The following ADGRG7 variants were observed in gnomAD, a reference collection of about 807,000 sequenced individuals.
The protein encoded by ADGRG7 is adhesion G protein-coupled receptor G7.
ADGRG7 carries 82 observed loss-of-function variants against 88.6 expected under a neutral mutation model. That is an observed-to-expected ratio of 0.93 (90% confidence interval 0.77 to 1.11). ADGRG7 has a LOEUF of 1.11. ADGRG7 is among the 50% of genes most tolerant of loss of function. ADGRG7 has a pLI of 0.00. For missense variants in ADGRG7, 945 were observed against 953.4 expected, an observed-to-expected ratio of 0.99 and a Z score of 0.12; for synonymous variants, 381 against 345.2, an observed-to-expected ratio of 1.10 and a Z score of -1.15.
chr3:100,694,615 A>C (rs985597299), intron 15 of ADGRG7, 129 bp from the exon 16 acceptor site: 2 of 856,970 alleles, frequency 2.3e-6, no homozygotes, highest in Non-Finnish European at 3.5e-6. Flanking sequence ...TGGCAGCTGC[A>C]CACTGGCAAA....
chr3:100,649,615 C>A, intron 10 of ADGRG7, 80 bp from the exon 11 acceptor site: 1 of 700,990 alleles, frequency 1.4e-6, no homozygotes, highest in South Asian at 2.0e-5. Context: ...TATTTTGACC[C>A]ATGTAACTCT....
Position 100,618,310 on chromosome 3 carries a change from G to A in ADGRG7, c.115+8339G>A, listed in dbSNP as rs535594740. Among the ~76,000 whole-genome samples the A allele has an allele frequency of 2.0e-5, 3 of 152,236 alleles. No homozygotes were observed. In the East Asian group the frequency reaches 5.8e-4, roughly 29 times the overall value. ...CTTGCCCATGCCTATGTCCTGAATG[G>A]TATTGCCTAGGTTTTCTTCTAGGGT... On this transcript the variant is annotated intron_variant, in intron 1 of 15. Transcript: ENST00000273352.
chr3:100,646,426 C>A, intron 9 of ADGRG7, 143 bp from the exon 10 acceptor site: 1 of 684,588 alleles, frequency 1.5e-6, no homozygotes, highest in East Asian at 2.8e-5. Flanking sequence ...CTCCTTTTTT[C>A]CCTCTCCTTA....
At chr3:100,618,253 G>T (rs1007573629) in intron 1 of ADGRG7, among the ~76,000 whole-genome samples, 2 of 152,124 alleles carry the variant, frequency 1.3e-5, no homozygotes, top group Non-Finnish European at 2.9e-5. Context: ...GGCTTTTGCT[G>T]CCATTGCTTT....
At chr3:100,673,928 T>G (rs1381723636) in intron 15 of ADGRG7, among the ~76,000 whole-genome samples, 3 of 152,188 alleles carry the variant, frequency 2.0e-5, no homozygotes, top group Non-Finnish European at 1.5e-5. Context: ...TGTTTGCTCT[T>G]GCTTCTCTTA....
intron 15 of ADGRG7, among the ~76,000 whole-genome samples, chr3:100,683,814 T>G (rs1034825555): frequency 6.6e-6 from 1 of 152,260 alleles, no homozygotes; most frequent in Non-Finnish European, 1.5e-5. Context: ...CTTGTTATCT[T>G]TAGTTCTCAA....
At chr3:100,642,449 G>T (rs756558839) in intron 6 of ADGRG7, among the ~76,000 whole-genome samples, 1 of 152,164 alleles carries the variant, frequency 6.6e-6, no homozygotes, top group Non-Finnish European at 1.5e-5. Context: ...TGGAGGTAGA[G>T]AAAAGATATT....
rs552934273 is a variant in ADGRG7 at position 100,663,898 on chromosome 3, A to G, written c.1979+4055A>G. Among the ~76,000 whole-genome samples, 74 of 152,116 alleles carry G rather than the reference A, an allele frequency of 4.9e-4. 1 individual carries two copies. Among genetic ancestry groups the G allele is most frequent in the Non-Finnish European group, 8.7e-4 (59 of 67,912 alleles). ...TCTAACAAGACTGGTTTAGTTAACT[A>G]TTCAAGCATCCAGTTCAGAATATCT... On this transcript the variant is annotated intron_variant, in intron 14 of 15. Coordinates refer to ENST00000273352, the MANE Select transcript of ADGRG7 (RefSeq NM_032787.3).
intron 15 of ADGRG7, among the ~76,000 whole-genome samples, chr3:100,688,268 T>C (rs991640369): frequency 6.6e-6 from 1 of 152,204 alleles, no homozygotes; most frequent in East Asian, 1.9e-4. Flanking sequence ...CTTCTCTCTT[T>C]TCTTCTTTAT....
chr3:100,614,967 AATT>A (rs1317418028), intron 1 of ADGRG7, among the ~76,000 whole-genome samples: 4 of 152,202 alleles, frequency 2.6e-5, no homozygotes, highest in East Asian at 1.9e-4. Flanking sequence ...AATATAGGAA[AATT>A]ATTATTATCA....
At chr3:100,640,095 AG>A (rs1707613605) in intron 6 of ADGRG7, among the ~76,000 whole-genome samples, 1 of 152,180 alleles carries the variant, frequency 6.6e-6, no homozygotes, top group Non-Finnish European at 1.5e-5. Context: ...CTCTGCTTCT[AG>A]CCCCAAGGTC....
At chr3:100,620,715 A>G (rs1317020092) in intron 1 of ADGRG7, among the ~76,000 whole-genome samples, 6 of 152,220 alleles carry the variant, frequency 3.9e-5, no homozygotes, top group Non-Finnish European at 7.4e-5. Context: ...TCTGTCCCTC[A>G]CAGACCCTGG....
At chr3:100,627,076 A>G (rs1030704312) in intron 1 of ADGRG7, among the ~76,000 whole-genome samples, 1 of 152,044 alleles carries the variant, frequency 6.6e-6, no homozygotes. Flanking sequence ...TTTCCTGCGT[A>G]TTGCACTGCT....
chr3:100,665,071 C>A, intron 14 of ADGRG7: 1 of 492,390 alleles, frequency 2.0e-6, no homozygotes, highest in Non-Finnish European at 4.2e-6. Flanking sequence ...ATCCAAGTTT[C>A]TCACATAACC....
At chr3:100,642,797 T>C (rs957971093) in intron 6 of ADGRG7, among the ~76,000 whole-genome samples, 1 of 152,218 alleles carries the variant, frequency 6.6e-6, no homozygotes, top group African/African-American at 2.4e-5. Context: ...GGTGGTTCCA[T>C]CTGAACTGTC....
rs372953578 is a variant in ADGRG7 at position 100,617,319 on chromosome 3, A to G, written c.115+7348A>G. Among the ~76,000 whole-genome samples the G allele has an allele frequency of 1.9e-4, 29 of 151,940 alleles. No homozygotes were observed. The East Asian group carries it at 4.5e-3, about 23-fold the overall frequency. On this transcript the variant is annotated intron_variant, in intron 1 of 15. Coordinates refer to ENST00000273352, the MANE Select transcript of ADGRG7 (RefSeq NM_032787.3). The stretch of plus-strand genomic sequence containing the variant: ...TGTGCCATGTTGGTGTGCTGCACCC[A>G]TTAACTCGTCACTTAACATTAGGTA...
rs1214410103 is a variant in ADGRG7, at chr3:100,684,251, T to TTTTATTTA, written c.2137-10488_2137-10487insTTATTTAT. 3.9e-4 allele frequency among the ~76,000 whole-genome samples: 17 copies of TTTTATTTA among 44,048 alleles called. No homozygotes were observed. In the East Asian group the frequency reaches 9.6e-3, roughly 25 times the overall value. 28.9% of individuals were successfully genotyped at this position (44,048 alleles called of 152,430 possible). The stretch of plus-strand genomic sequence containing the variant: ...TGATAATTTTCTCATAGTTTTTCCA[T>TTTTATTTA]TTTATCTATTTATTTATTTATTTAT... On this transcript the variant is annotated intron_variant, in intron 15 of 15. Coordinates refer to ENST00000273352, the MANE Select transcript of ADGRG7 (RefSeq NM_032787.3).
Position 100,694,965 on chromosome 3 carries a change from A to G in ADGRG7, c.2358A>G (p.Thr786=). 2 of 1,614,108 alleles carry G rather than the reference A, an allele frequency of 1.2e-6. No individual in the cohort carries two copies. The highest frequency in any genetic ancestry group is 1.1e-5 in the South Asian group (1 of 91,082). Residue 786 remains threonine, a synonymous_variant, in exon 16 of 16, where the codon ACA becomes ACG. Transcript: ENST00000273352. The part of the protein sequence containing the change: ...LETSPSTEEI[T]LSESDNAKES... Reference sequence around the variant, plus strand: ...CCTCTCCGAGTACTGAGGAAATCACACTCTCTGAAAGTGACAATGCAAAGG... The same window carrying G: ...CCTCTCCGAGTACTGAGGAAATCACGCTCTCTGAAAGTGACAATGCAAAGG...
chr3:100,622,887 C>T (rs1001286055), intron 1 of ADGRG7, among the ~76,000 whole-genome samples: 3 of 151,376 alleles, frequency 2.0e-5, no homozygotes, highest in Admixed American at 1.3e-4. Context: ...TCAGCTGGGA[C>T]TACAGGCATG....
Sources: allele counts gnomAD v4.1 joint callset (sites outside exome capture counted in the v4.1 genomes callset), GRCh38; gene constraint gnomAD v4.1.1; transcripts MANE v1.5; gene names NCBI Gene and HGNC (gene_info 2026-07-23, HGNC 2026-07-21).